The following C1orf21 variants were observed in gnomAD, a reference collection of about 807,000 sequenced individuals.
C1orf21 encodes uncharacterized protein C1orf21.
Under a neutral mutation model 18.7 loss-of-function variants are expected in C1orf21, and 3 were observed. The observed-to-expected ratio is 0.16, with a 90% CI of 0.07 to 0.42. The LOEUF is 0.42. Ranked by LOEUF, C1orf21 falls within the 10% of genes least tolerant of loss-of-function variation. The probability of loss-of-function intolerance (pLI) is 0.99; values close to 1 mark genes in which losing one functional copy is unlikely to be tolerated. For synonymous variants in C1orf21, 41 were observed against 46.4 expected (o/e 0.88, Z 0.47); for missense variants, 104 against 143.6 (o/e 0.72, Z 1.41).
Position 184,590,830 on chromosome 1 carries a change from C to A in C1orf21, c.266+15C>A. 1 of 1,606,312 alleles carries A rather than the reference C, an allele frequency of 6.2e-7. No homozygotes were observed. ...CCCAGAGCAAAGTAAGTTCTAGTTT[C>A]TGTTTTCCTTATATAGTCGGCCTTC... On this transcript the variant is annotated intron_variant, in intron 4 of 5. Coordinates refer to ENST00000235307, the MANE Select transcript of C1orf21 (RefSeq NM_030806.4).
intron 1 of C1orf21, among the ~76,000 whole-genome samples, chr1:184,391,497 T>G (rs1443192674): frequency 6.6e-6 from 1 of 152,184 alleles, no homozygotes; most frequent in Non-Finnish European, 1.5e-5. Flanking sequence ...AATGAGTGAT[T>G]GAATGGAATG....
chr1:184,429,944 TA>T (rs961296050), intron 1 of C1orf21, among the ~76,000 whole-genome samples: 2 of 151,728 alleles, frequency 1.3e-5, no homozygotes, highest in African/African-American at 4.8e-5. Context: ...CTGTCTCTAC[TA>T]AAAATACAAA....
intron 3 of C1orf21, among the ~76,000 whole-genome samples, chr1:184,533,860 C>T (rs1303474671): frequency 2.6e-5 from 4 of 152,184 alleles, no homozygotes; most frequent in East Asian, 1.9e-4. Context: ...TTGGTGTGTA[C>T]GTCTCTACCT....
At chr1:184,458,970 T>C (rs1383862170) in intron 1 of C1orf21, among the ~76,000 whole-genome samples, 2 of 152,228 alleles carry the variant, frequency 1.3e-5, no homozygotes, top group African/African-American at 4.8e-5. Flanking sequence ...TGAGTGAAGT[T>C]GTGTGTGTCT....
At chr1:184,545,327 G>C (rs1284016452) in intron 3 of C1orf21, among the ~76,000 whole-genome samples, 1 of 152,160 alleles carries the variant, frequency 6.6e-6, no homozygotes, top group African/African-American at 2.4e-5. Context: ...AGATCTTTAA[G>C]TTATACTATT....
At chr1:184,591,703 G>A (rs908152797) in intron 4 of C1orf21, among the ~76,000 whole-genome samples, 1 of 152,134 alleles carries the variant, frequency 6.6e-6, no homozygotes, top group Admixed American at 6.5e-5. Context: ...CTACTCGGGA[G>A]GCTGAGGCAG....
At chr1:184,568,170 G>C (rs1429230725) in intron 3 of C1orf21, among the ~76,000 whole-genome samples, 1 of 152,154 alleles carries the variant, frequency 6.6e-6, no homozygotes, top group African/African-American at 2.4e-5. Context: ...TAGCATTTGA[G>C]AGCGACTTTC....
chr1:184,600,863 A>G (rs1365045995), intron 5 of C1orf21, among the ~76,000 whole-genome samples: 1 of 152,174 alleles, frequency 6.6e-6, no homozygotes, highest in Non-Finnish European at 1.5e-5. Flanking sequence ...TGAATATGCT[A>G]TCTTATGTGT....
chr1:184,598,024 A>G (rs1384895926), intron 4 of C1orf21, among the ~76,000 whole-genome samples: 2 of 151,662 alleles, frequency 1.3e-5, no homozygotes, highest in Admixed American at 1.3e-4. Context: ...ACTAGGATAC[A>G]TTTTCTTTTT....
chr1:184,524,794 C>G (rs1658355008), intron 3 of C1orf21, among the ~76,000 whole-genome samples: 1 of 151,994 alleles, frequency 6.6e-6, no homozygotes, highest in Non-Finnish European at 1.5e-5. Context: ...ATGATGTGGA[C>G]TAGGAACATC....
chr1:184,556,289 C>A (rs1210333672), intron 3 of C1orf21, among the ~76,000 whole-genome samples: 2 of 152,208 alleles, frequency 1.3e-5, no homozygotes, highest in African/African-American at 4.8e-5. Context: ...TGCTGACAGG[C>A]TTTCATACCA....
At chr1:184,410,763 C>T (rs1312927816) in intron 1 of C1orf21, among the ~76,000 whole-genome samples, 1 of 131,250 alleles carries the variant, frequency 7.6e-6, no homozygotes, top group Non-Finnish European at 1.6e-5. Flanking sequence ...CTCCCAGGTT[C>T]AAGTGATTCT....
At chr1:184,607,618 T>C (rs1021507269) in intron 5 of C1orf21, among the ~76,000 whole-genome samples, 1 of 151,616 alleles carries the variant, frequency 6.6e-6, no homozygotes, top group Admixed American at 6.6e-5. Context: ...TATATACACA[T>C]GTGTATATAC....
intron 1 of C1orf21, among the ~76,000 whole-genome samples, chr1:184,418,118 T>C (rs1656486542): frequency 6.6e-6 from 1 of 152,186 alleles, no homozygotes; most frequent in Non-Finnish European, 1.5e-5. Flanking sequence ...CTGGAAACTT[T>C]TGCTCATAGA....
At chr1:184,423,170 T>G (rs1656572859) in intron 1 of C1orf21, among the ~76,000 whole-genome samples, 1 of 152,238 alleles carries the variant, frequency 6.6e-6, no homozygotes, top group African/African-American at 2.4e-5. Flanking sequence ...CTTTTATTAT[T>G]GCTGAATAAC....
chr1:184,499,713 A>G (rs1386126597), intron 2 of C1orf21, among the ~76,000 whole-genome samples: 1 of 151,840 alleles, frequency 6.6e-6, no homozygotes, highest in Non-Finnish European at 1.5e-5. Flanking sequence ...GCCTGTCTCT[A>G]GACTCAGACC....
chr1:184,430,639 T>A lies in C1orf21; in HGVS notation c.-125+43271T>A, dbSNP rs560455828. On this transcript the variant is annotated intron_variant, in intron 1 of 5. Transcript: ENST00000235307. ...CTGTAATTTATACGAGGTCGAGACC[T>A]GTTAATTCAAGCACACACCAGCATC... 7.9e-5 allele frequency among the ~76,000 whole-genome samples: 12 copies of A among 152,342 alleles called. No individual in the cohort carries two copies. In the South Asian group the frequency reaches 2.3e-3, roughly 29 times the overall value.
chr1:184,459,996 C>A (rs932347692), intron 1 of C1orf21, among the ~76,000 whole-genome samples: 1 of 152,226 alleles, frequency 6.6e-6, no homozygotes, highest in Non-Finnish European at 1.5e-5. Context: ...CACTCCGTTT[C>A]TCTCCAGCTC....
chr1:184,562,133 C>G lies in C1orf21; in HGVS notation c.190-28606C>G, dbSNP rs532153907. On this transcript the variant is annotated intron_variant, in intron 3 of 5. Transcript: ENST00000235307. ...GAACAAACTAAATGGTTCTAGAAAA[C>G]TAGTACATGGAGTAACTCACATATT... Among the ~76,000 whole-genome samples the G allele has an allele frequency of 2.0e-5, 3 of 152,182 alleles. No homozygotes were observed. The East Asian group carries it at 5.8e-4, about 29-fold the overall frequency.
Sources: gnomAD v4.1 joint callset for allele counts (sites outside exome capture counted in the v4.1 genomes callset) on GRCh38, gnomAD v4.1.1 for gene constraint, MANE v1.5 for transcripts, NCBI Gene and HGNC (gene_info 2026-07-23, HGNC 2026-07-21) for gene names.